The following AXL variants were observed in gnomAD, a reference collection of about 807,000 sequenced individuals.
AXL encodes the protein tyrosine-protein kinase receptor UFO.
A neutral mutation model predicts 104.5 loss-of-function variants in AXL; 52 were observed. The observed-to-expected ratio is 0.50, with a 90% confidence interval of 0.40 to 0.63. The LOEUF (loss-of-function observed/expected upper bound fraction) is 0.63, where lower values mean the gene tolerates loss of function less well. Ranked by LOEUF, AXL falls within the 20% of genes least tolerant of loss-of-function variation. The pLI is 0.00. For synonymous variants in AXL, 455 were observed against 473.7 expected, an observed-to-expected ratio of 0.96 and a Z score of 0.51; for missense variants, 1,024 against 1,188.5, an observed-to-expected ratio of 0.86 and a Z score of 2.04.
chr19:41,221,283 G>A (rs199544279), intron 3 of AXL, 37 bp downstream of exon 3: 1 of 1,579,950 alleles, frequency 6.3e-7, no homozygotes, highest in East Asian at 2.2e-5. Context: ...GGGGTCAGAG[G>A]ACATGTGGCG....
At chr19:41,240,802 T>C (rs750200727) in intron 10 of AXL, among the ~76,000 whole-genome samples, 5 of 152,100 alleles carry the variant, frequency 3.3e-5, no homozygotes, top group African/African-American at 4.8e-5. Flanking sequence ...ACCTTCCACA[T>C]TGCAAACACT....
At chr19:41,242,801 T>G in intron 10 of AXL, 82 bp from the exon 11 acceptor site, 1 of 1,571,150 alleles carries the variant, frequency 6.4e-7, no homozygotes, top group South Asian at 1.1e-5. Flanking sequence ...GCCTTCTGCC[T>G]CCCTCCCACA....
Position 41,253,670 on chromosome 19 carries a change from G to C in AXL, c.1998G>C (p.Lys666Asn), listed in dbSNP as rs1451103458. ...IASGMEYLST[K>N]RFIHRDLAAR... Reference sequence around the variant, plus strand: ...GTGGCATGGAGTATCTGAGTACCAAGAGATTCATACACCGGGACCTGGCGG... The same window carrying C: ...GTGGCATGGAGTATCTGAGTACCAACAGATTCATACACCGGGACCTGGCGG... Residue 666 changes from lysine to asparagine, a missense_variant, in exon 17 of 20, where the codon AAG becomes AAC. By Grantham distance (94) the Lys-to-Asn change is moderately conservative (BLOSUM62 0). This residue lies in a region of AXL where 523 missense variants were observed against 636.0 expected (regional missense o/e 0.82). Transcript: ENST00000301178. 1 of 1,613,416 alleles carries C rather than the reference G, an allele frequency of 6.2e-7. No individual in the cohort carries two copies. Among genetic ancestry groups the C allele is most frequent in the Non-Finnish European group, 8.5e-7 (1 of 1,179,814 alleles).
At chr19:41,250,610 T>C (rs1376304232) in intron 14 of AXL, among the ~76,000 whole-genome samples, 1 of 152,022 alleles carries the variant, frequency 6.6e-6, no homozygotes, top group Non-Finnish European at 1.5e-5. Context: ...GCCCAGCTAA[T>C]TTTTGTGTTT....
chr19:41,230,462 G>A (rs1228966823), intron 4 of AXL, among the ~76,000 whole-genome samples: 2 of 150,828 alleles, frequency 1.3e-5, no homozygotes, highest in African/African-American at 4.9e-5. Flanking sequence ...GTCTTCATGT[G>A]TGTTTGTGTA....
chr19:41,242,128 C>T (rs537011104), intron 10 of AXL, among the ~76,000 whole-genome samples: 1 of 152,130 alleles, frequency 6.6e-6, no homozygotes, highest in South Asian at 2.1e-4. Context: ...ACATCTCTCC[C>T]TCCCATTCCA....
intron 4 of AXL, among the ~76,000 whole-genome samples, chr19:41,230,731 T>C (rs1016745741): frequency 3.3e-5 from 5 of 152,006 alleles, no homozygotes; most frequent in Non-Finnish European, 7.4e-5. Context: ...GTCTGTACTA[T>C]GTGTGTCTGT....
At chr19:41,240,151 G>A (rs1379614214) in intron 10 of AXL, among the ~76,000 whole-genome samples, 1 of 151,412 alleles carries the variant, frequency 6.6e-6, no homozygotes, top group Non-Finnish European at 1.5e-5. Flanking sequence ...AATAGAGGGT[G>A]GATAGGTGGG....
intron 11 of AXL, 44 bp downstream of exon 11, chr19:41,243,059 G>A (rs1329407764): frequency 4.3e-6 from 7 of 1,613,160 alleles, no homozygotes; most frequent in Non-Finnish European, 5.9e-6. Context: ...CTGGGATGGA[G>A]AGGCTGGAGG....
At chr19:41,226,708 G>A in intron 4 of AXL, 1 of 980,682 alleles carries the variant, frequency 1.0e-6, no homozygotes. Flanking sequence ...ACAGATACAC[G>A]CAGGGTCACA....
At chr19:41,254,326 G>A (rs1375504480) in intron 17 of AXL, among the ~76,000 whole-genome samples, 2 of 145,420 alleles carry the variant, frequency 1.4e-5, no homozygotes, top group Non-Finnish European at 1.5e-5. Flanking sequence ...GCAATGAGCC[G>A]AGATCGCATC....
rs994221577 is a variant in AXL, at chr19:41,248,731, G to C, written c.1634-12G>C. Reference sequence around the variant, plus strand: ...CCCTCTGAGGTCAGTGTCTCCCTCTGGCCCCCCACAGGAGAGTTTGGAGCT... The same window carrying C: ...CCCTCTGAGGTCAGTGTCTCCCTCTCGCCCCCCACAGGAGAGTTTGGAGCT... On this transcript the variant is annotated splice_polypyrimidine_tract_variant and intron_variant, in intron 13 of 19. Transcript: ENST00000301178. 11 of 1,613,916 alleles carry C rather than the reference G, an allele frequency of 6.8e-6. No individual in the cohort carries two copies. Among genetic ancestry groups the C allele is most frequent in the African/African-American group, 2.7e-5 (2 of 74,894 alleles).
At position 41,237,112 on chromosome 19, in the gene AXL, G is replaced by C. The variant is rs146948052; in HGVS notation, c.784-832G>C. ...TAACCACCATCCAAATCAAGACACA[G>C]ACCCTTCCAGTCCCCAAGAAGTCTC... On this transcript the variant is annotated intron_variant, in intron 6 of 19. Coordinates refer to ENST00000301178, the MANE Select transcript of AXL (RefSeq NM_021913.5). Among the ~76,000 whole-genome samples, 935 of 152,230 alleles carry C rather than the reference G, an allele frequency of 6.1e-3. 8 individuals are homozygous for C. The highest frequency in any genetic ancestry group is 0.022 in the African/African-American group (900 of 41,510).
At chr19:41,236,637 C>T (rs913379450) in intron 6 of AXL, among the ~76,000 whole-genome samples, 9 of 151,818 alleles carry the variant, frequency 5.9e-5, no homozygotes, top group Non-Finnish European at 1.2e-4. Flanking sequence ...GGCAATTAGT[C>T]GGGCGTGGTG....
rs1477231326 is a variant in AXL, at chr19:41,243,035, G to T, written c.1445+20G>T. The T allele has an allele frequency of 6.2e-7, 1 of 1,614,094 alleles. No homozygotes were observed. The highest frequency in any genetic ancestry group is 2.2e-5 in the East Asian group (1 of 44,874). On this transcript the variant is annotated intron_variant, in intron 11 of 19. Coordinates refer to ENST00000301178, the MANE Select transcript of AXL (RefSeq NM_021913.5). ...TTATGGGTGAGTTGGAACCACATGG[G>T]GAGGCTGTGTGGCCTGGGATGGAGA...
At chr19:41,239,770 TG>T (rs2034149116) in intron 10 of AXL, 50 bp downstream of exon 10, 2 of 1,603,308 alleles carry the variant, frequency 1.2e-6, no homozygotes, top group Middle Eastern at 1.7e-4. Flanking sequence ...CAACACCTAG[TG>T]GGGGCACTGT....
chr19:41,231,436 G>GA, intron 6 of AXL, 138 bp downstream of exon 6: 24 of 810,914 alleles, frequency 3.0e-5, no homozygotes, highest in South Asian at 9.3e-5. Flanking sequence ...TAAGCCAGAT[G>GA]TCCTGGGTTC....
At chr19:41,253,942 C>T (rs1443064940) in intron 17 of AXL, among the ~76,000 whole-genome samples, 2 of 151,892 alleles carry the variant, frequency 1.3e-5, no homozygotes, top group Admixed American at 6.6e-5. Flanking sequence ...AGAAGGTGGG[C>T]TCAGTGCACA....
In AXL at chr19:41,238,681, A is replaced by G. The variant is rs188283657; in HGVS notation, c.1134+72A>G. 4.0e-5 allele frequency: 60 copies of G among 1,517,234 alleles called. No homozygotes were observed. The African/African-American group carries it at 7.8e-4, about 20-fold the overall frequency. 94.0% of individuals were successfully genotyped at this position (1,517,234 alleles called of 1,614,324 possible). ...GAGGAGAACATATCAGGGCAGACAT[A>G]GATGGTTGTGAAGGTTGGGTAGTAC... On this transcript the variant is annotated intron_variant, in intron 8 of 19. Transcript: ENST00000301178.
Sources: gnomAD v4.1 joint callset for allele counts (sites outside exome capture counted in the v4.1 genomes callset) on GRCh38, gnomAD v4.1.1 for gene constraint, gnomAD v4.1.1 regional missense constraint, MANE v1.5 for transcripts, NCBI Gene and HGNC (gene_info 2026-07-23, HGNC 2026-07-21) for gene names.